SDK2: variants seen among roughly 807,000 people sequenced by gnomAD.
The protein encoded by SDK2 is sidekick cell adhesion molecule 2.
A neutral mutation model predicts 253.9 loss-of-function variants in SDK2; 105 were observed. The ratio of observed to expected loss-of-function variants is 0.41; its 90% CI spans 0.35 to 0.49. The LOEUF (loss-of-function observed/expected upper bound fraction) is 0.49, where lower values mean the gene tolerates loss of function less well. Among genes scored for constraint, SDK2 ranks in the 20% least tolerant of loss-of-function variants. The probability of loss-of-function intolerance (pLI) is 0.06; values close to 1 mark genes in which losing one functional copy is unlikely to be tolerated. For synonymous variants in SDK2, 1,249 were observed against 1,234.9 expected (o/e 1.01, Z -0.24); for missense variants, 2,608 against 3,003.0 (o/e 0.87, Z 3.07).
intron 1 of SDK2, among the ~76,000 whole-genome samples, chr17:73,559,276 T>C (rs1430663322): frequency 6.6e-6 from 1 of 152,168 alleles, no homozygotes; most frequent in East Asian, 1.9e-4. Context: ...TTAACCTCTC[T>C]GAGCCTTGGG....
intron 12 of SDK2, among the ~76,000 whole-genome samples, chr17:73,425,128 G>C (rs113113253): frequency 0.012 from 1,801 of 152,256 alleles, 15 homozygotes; most frequent in African/African-American, 0.021. Flanking sequence ...GCTGAGGCAG[G>C]AGAATCACTT....
rs1379747077 is a variant in SDK2 at position 73,639,193 on chromosome 17, G to A, written c.64+4832C>T. Among the ~76,000 whole-genome samples, 2 of 152,200 alleles carry A rather than the reference G, an allele frequency of 1.3e-5. No homozygotes were observed. Among genetic ancestry groups the A allele is most frequent in the Admixed American group, 1.3e-4 (2 of 15,284 alleles). On this transcript the variant is annotated intron_variant, in intron 1 of 44. Coordinates refer to ENST00000392650, the MANE Select transcript of SDK2 (RefSeq NM_001144952.2). This position sits in a 1 kb window ranked among gnomAD's most constrained non-coding sequence, Gnocchi z 4.3. ...CAGCATCGCCCAGTGATGGAGGCAG[G>A]ATTCAAAGGGGCAGAAGCCACGCTG...
At chr17:73,473,389 C>A (rs1488894855) in intron 2 of SDK2, among the ~76,000 whole-genome samples, 1 of 152,196 alleles carries the variant, frequency 6.6e-6, no homozygotes, top group African/African-American at 2.4e-5. Flanking sequence ...CCTTTCCCAT[C>A]CCTAGGCAAT....
intron 1 of SDK2, among the ~76,000 whole-genome samples, chr17:73,595,951 A>G (rs2045752239): frequency 6.7e-6 from 1 of 148,234 alleles, no homozygotes; most frequent in African/African-American, 2.4e-5. Flanking sequence ...GGCCTGATGG[A>G]GAAGCCCTTG....
Position 73,420,264 on chromosome 17 carries a change from T to C in SDK2, c.2046-958A>G, listed in dbSNP as rs1273804785. On this transcript the variant is annotated intron_variant, in intron 15 of 44. Coordinates refer to ENST00000392650, the MANE Select transcript of SDK2 (RefSeq NM_001144952.2). ...CACTCCAAACAAAAGTTAATTATTT[T>C]TGATGGATGACTTTCCCTTTTTGTT... Among the ~76,000 whole-genome samples the C allele has an allele frequency of 2.0e-5, 3 of 152,376 alleles. No individual in the cohort carries two copies. In the East Asian group the frequency reaches 5.8e-4, roughly 29 times the overall value.
chr17:73,505,008 C>T (rs2063924047), intron 2 of SDK2, among the ~76,000 whole-genome samples: 1 of 152,062 alleles, frequency 6.6e-6, no homozygotes, highest in Non-Finnish European at 1.5e-5. Context: ...AGATCCAACA[C>T]TCTTAGGGGC....
In SDK2 at chr17:73,350,366, G is replaced by T; in HGVS notation, c.5909C>A (p.Ala1970Asp). 6.2e-7 allele frequency: 1 copy of T among 1,613,520 alleles called. No individual in the cohort carries two copies. The change falls in exon 43 of 45, where the codon GCC becomes GAC. Residue 1970 changes from alanine to aspartate, a missense_variant. Physicochemically the swap from Ala to Asp is moderately radical, Grantham distance 126. Around this residue, in one of 2 missense-constraint regions of SDK2, gnomAD observed 1,103 missense variants for 1,143.9 expected, o/e 0.96. Coordinates refer to ENST00000392650, the MANE Select transcript of SDK2 (RefSeq NM_001144952.2). The stretch of plus-strand genomic sequence containing the variant: ...GCTGTGGCCTAGGGCTCCAGACTTG[G>T]CACTGTTCCCTGAAGTCGGCGGGAG... ...YAKKTDSGNS[A>D]KSGALGHSEM...
intron 2 of SDK2, among the ~76,000 whole-genome samples, chr17:73,473,433 T>A (rs928455565): frequency 6.6e-6 from 1 of 152,076 alleles, no homozygotes; most frequent in African/African-American, 2.4e-5. Context: ...AGAAGGGATG[T>A]CCTAGGATGC....
In SDK2 at chr17:73,639,011, C is replaced by T. The variant is rs9890009; in HGVS notation, c.64+5014G>A. 0.36 allele frequency among the ~76,000 whole-genome samples: 54,797 copies of T among 151,750 alleles called. 10,141 individuals are homozygous for T. Among genetic ancestry groups the T allele is most frequent in the African/African-American group, 0.44 (18,293 of 41,366 alleles). ...TTTTAATAGAGATGGGGTTTCCCCA[C>T]GTTGGCCAGGCTGGTCTCGAACTCC... On this transcript the variant is annotated intron_variant, in intron 1 of 44. Coordinates refer to ENST00000392650, the MANE Select transcript of SDK2 (RefSeq NM_001144952.2). The surrounding 1 kb of genome is among the most constrained non-coding windows in gnomAD (Gnocchi z 4.3).
At chr17:73,385,603 C>A (rs1298714564) in intron 32 of SDK2, among the ~76,000 whole-genome samples, 1 of 152,214 alleles carries the variant, frequency 6.6e-6, no homozygotes, top group African/African-American at 2.4e-5. Context: ...GATGACAGCA[C>A]CTGCCTGATG....
intron 1 of SDK2, among the ~76,000 whole-genome samples, chr17:73,633,838 G>A (rs1220039041): frequency 6.6e-6 from 1 of 152,082 alleles, no homozygotes; most frequent in East Asian, 1.9e-4. Context: ...ACGGCTTCAC[G>A]CTAGACTTTT....
intron 2 of SDK2, among the ~76,000 whole-genome samples, chr17:73,490,754 G>A (rs892175075): frequency 6.6e-6 from 1 of 151,672 alleles, no homozygotes; most frequent in African/African-American, 2.4e-5. Context: ...TCGAACCCCT[G>A]AGCTCAAGTG....
intron 1 of SDK2, among the ~76,000 whole-genome samples, chr17:73,552,045 G>A (rs2045067623): frequency 6.6e-6 from 1 of 152,166 alleles, no homozygotes; most frequent in African/African-American, 2.4e-5. Flanking sequence ...AGTCAGGCAG[G>A]TGCCGCTGCA....
chr17:73,602,454 C>T (rs1413259546), intron 1 of SDK2, among the ~76,000 whole-genome samples: 3 of 151,692 alleles, frequency 2.0e-5, no homozygotes, highest in African/African-American at 7.3e-5. Flanking sequence ...TCATTCTTAG[C>T]AGAGTGCCGG....
At chr17:73,386,693 T>G in intron 30 of SDK2, 145 bp from the exon 31 acceptor site, 1 of 626,590 alleles carries the variant, frequency 1.6e-6, no homozygotes, top group Non-Finnish European at 2.8e-6. Flanking sequence ...ACACTGAGGC[T>G]CAGAAAGGAG....
chr17:73,395,488 A>G lies in SDK2; in HGVS notation c.3355-96T>C. On this transcript the variant is annotated intron_variant, in intron 24 of 44. Coordinates refer to ENST00000392650, the MANE Select transcript of SDK2 (RefSeq NM_001144952.2). The surrounding 1 kb of genome is among the most constrained non-coding windows in gnomAD (Gnocchi z 4.3). ...CTACCCTCTCCTCCAGGGCGCCTTC[A>G]GGGCTATCCATCCCACTGTCACCCG... The G allele has an allele frequency of 1.1e-6, 1 of 921,924 alleles. No individual in the cohort carries two copies. The highest frequency in any genetic ancestry group is 1.7e-6 in the Non-Finnish European group (1 of 592,990). 57.1% of individuals were successfully genotyped at this position (921,924 alleles called of 1,614,324 possible).
At chr17:73,416,049 C>G (rs1472727229) in intron 16 of SDK2, 57 bp from the exon 17 acceptor site, 2 of 1,508,682 alleles carry the variant, frequency 1.3e-6, no homozygotes, top group Non-Finnish European at 9.0e-7. Flanking sequence ...GGCCTCGTAC[C>G]CAGGAAATTG....
At position 73,613,334 on chromosome 17, in the gene SDK2, C is replaced by T. The variant is rs534594907; in HGVS notation, c.64+30691G>A. On this transcript the variant is annotated intron_variant, in intron 1 of 44. Coordinates refer to ENST00000392650, the MANE Select transcript of SDK2 (RefSeq NM_001144952.2). ...ACGCCAATGAGCAGCCGGCTCACCT[C>T]GCTCCCTCCCCCTCTGCTCTCCCCA... 2.0e-5 allele frequency among the ~76,000 whole-genome samples: 3 copies of T among 152,114 alleles called. No homozygotes were observed. In the South Asian group the frequency reaches 6.2e-4, roughly 32 times the overall value.
Position 73,541,690 on chromosome 17 carries a change from G to A in SDK2, c.65-34093C>T, listed in dbSNP as rs1192004826. On this transcript the variant is annotated intron_variant, in intron 1 of 44. Transcript: ENST00000392650. The surrounding 1 kb of genome is among the most constrained non-coding windows in gnomAD (Gnocchi z 4.3). ...TTTGGTTTGATATGAAAATGAGTTT[G>A]CCCAGAATGCACAGCGGCAGAAGGA... is the stretch of plus-strand genomic sequence containing the variant. 6.6e-6 allele frequency among the ~76,000 whole-genome samples: 1 copy of A among 152,190 alleles called. No homozygotes were observed. Among genetic ancestry groups the A allele is most frequent in the Non-Finnish European group, 1.5e-5 (1 of 68,030 alleles).
Sources: allele counts gnomAD v4.1 joint callset (sites outside exome capture counted in the v4.1 genomes callset), GRCh38; gene constraint gnomAD v4.1.1; regional missense constraint gnomAD v4.1.1; non-coding constraint Gnocchi (gnomAD v3.1); transcripts MANE v1.5; gene names NCBI Gene and HGNC (gene_info 2026-07-23, HGNC 2026-07-21).